Variants in SLC9A9 observed in about 807,000 individuals in gnomAD.
SLC9A9 encodes the protein solute carrier family 9 member A9.
SLC9A9 carries 62 observed loss-of-function variants against 77.8 expected under a neutral mutation model. The observed-to-expected ratio is 0.80, with a 90% CI of 0.65 to 0.98. The LOEUF is 0.98. SLC9A9 is among the 50% of genes least tolerant of loss of function. The probability of loss-of-function intolerance (pLI) is 0.00; values close to 1 mark genes in which losing one functional copy is unlikely to be tolerated. For synonymous variants in SLC9A9, 320 were observed against 283.5 expected, an observed-to-expected ratio of 1.13 and a Z score of -1.29; for missense variants, 775 against 774.9, an observed-to-expected ratio of 1.00 and a Z score of 0.00.
intron 6 of SLC9A9, among the ~76,000 whole-genome samples, chr3:143,630,172 C>A (rs1560002872): frequency 6.6e-6 from 1 of 152,124 alleles, no homozygotes; most frequent in Admixed American, 6.6e-5. Flanking sequence ...CGTTATTCAT[C>A]AAGGAGATGC....
intron 9 of SLC9A9, among the ~76,000 whole-genome samples, chr3:143,538,320 A>C: frequency 1.3e-5 from 2 of 152,316 alleles, no homozygotes; most frequent in South Asian, 4.1e-4. Flanking sequence ...ACTTGGTACT[A>C]TAAGAGCAAG....
intron 4 of SLC9A9, among the ~76,000 whole-genome samples, chr3:143,719,239 T>A (rs1416061922): frequency 6.6e-6 from 1 of 152,178 alleles, no homozygotes. Flanking sequence ...CTACAAACTT[T>A]GGGGTAGGGC....
intron 8 of SLC9A9, among the ~76,000 whole-genome samples, chr3:143,569,989 A>G (rs1038836182): frequency 6.7e-6 from 1 of 148,542 alleles, no homozygotes; most frequent in African/African-American, 2.5e-5. Context: ...TTTTTTTTTT[A>G]GAGACAGGGT....
intron 6 of SLC9A9, among the ~76,000 whole-genome samples, chr3:143,621,176 T>G (rs2038205312): frequency 6.6e-6 from 1 of 152,150 alleles, no homozygotes; most frequent in African/African-American, 2.4e-5. Flanking sequence ...CTCTGTAGAC[T>G]CCACCTCTGG....
At chr3:143,587,299 A>G (rs2037558395) in intron 6 of SLC9A9, among the ~76,000 whole-genome samples, 1 of 152,250 alleles carries the variant, frequency 6.6e-6, no homozygotes, top group Admixed American at 6.5e-5. Flanking sequence ...AGTGGAGAAG[A>G]AAACATAATA....
intron 14 of SLC9A9, among the ~76,000 whole-genome samples, chr3:143,285,368 T>A (rs1444990548): frequency 6.6e-6 from 1 of 152,214 alleles, no homozygotes; most frequent in East Asian, 1.9e-4. Context: ...ACATGAAAAA[T>A]CTCCTTTAAT....
intron 14 of SLC9A9, among the ~76,000 whole-genome samples, chr3:143,297,882 G>T (rs2030348979): frequency 6.6e-6 from 1 of 152,138 alleles, no homozygotes; most frequent in Non-Finnish European, 1.5e-5. Context: ...TGTGATGTAT[G>T]TGCCTGGAAA....
At chr3:143,413,533 G>T (rs1576480643) in intron 12 of SLC9A9, among the ~76,000 whole-genome samples, 1 of 152,176 alleles carries the variant, frequency 6.6e-6, no homozygotes, top group East Asian at 1.9e-4. Context: ...GTGGGAGAAG[G>T]GGAGGCAGCT....
In SLC9A9 at chr3:143,848,295, C is replaced by G. The variant is rs1365661044; in HGVS notation, c.28G>C (p.Glu10Gln). Reference protein sequence around the residue: MERQSRVMSEKDEYQFQHQG... With the variant: MERQSRVMSQKDEYQFQHQG... ...TGTTGAAACTGATACTCATCCTTTT[C>G]TGACATAACCCTTGACTGTCTCTCC... Residue 10 changes from glutamate (E) to glutamine (Q), a missense_variant, in exon 1 of 16, where the codon GAA becomes CAA. Transcript: ENST00000316549. The G allele has an allele frequency of 2.5e-6, 4 of 1,613,996 alleles. No homozygotes were observed. The highest frequency in any genetic ancestry group is 3.4e-6 in the Non-Finnish European group (4 of 1,179,890).
At chr3:143,690,880 C>A (rs757563892) in intron 5 of SLC9A9, among the ~76,000 whole-genome samples, 14 of 152,070 alleles carry the variant, frequency 9.2e-5, no homozygotes, top group Non-Finnish European at 1.9e-4. Context: ...GAGAGTACCA[C>A]CAGCTAATAA....
chr3:143,439,078 C>A (rs2034677258), intron 12 of SLC9A9, among the ~76,000 whole-genome samples: 1 of 152,144 alleles, frequency 6.6e-6, no homozygotes, highest in African/African-American at 2.4e-5. Flanking sequence ...AGTGTCTGTA[C>A]CCTGGAGAAT....
chr3:143,565,943 T>G (rs1043079971), intron 8 of SLC9A9, among the ~76,000 whole-genome samples: 2 of 152,148 alleles, frequency 1.3e-5, no homozygotes, highest in Non-Finnish European at 2.9e-5. Context: ...GCTCCAGAAA[T>G]GCATTTCCCA....
At chr3:143,685,557 T>C (rs912694684) in intron 5 of SLC9A9, among the ~76,000 whole-genome samples, 2 of 152,136 alleles carry the variant, frequency 1.3e-5, no homozygotes, top group African/African-American at 4.8e-5. Context: ...CTGCATCATG[T>C]AAAATGAAGA....
intron 14 of SLC9A9, among the ~76,000 whole-genome samples, chr3:143,334,750 C>A (rs1047160018): frequency 4.6e-5 from 7 of 152,088 alleles, no homozygotes; most frequent in Non-Finnish European, 1.0e-4. Flanking sequence ...CAGAGCATTA[C>A]AACTATATAT....
intron 8 of SLC9A9, among the ~76,000 whole-genome samples, chr3:143,573,256 C>T (rs897505642): frequency 1.5e-4 from 23 of 152,104 alleles, no homozygotes; most frequent in African/African-American, 2.2e-4. Context: ...CTACCAGTTA[C>T]GAAGGATTCT....
chr3:143,830,952 T>C (rs1444346472), intron 2 of SLC9A9, among the ~76,000 whole-genome samples: 1 of 152,148 alleles, frequency 6.6e-6, no homozygotes, highest in Non-Finnish European at 1.5e-5. Context: ...ATATTATAAT[T>C]AGTTTGACTT....
At chr3:143,846,714 C>T (rs750584900) in intron 1 of SLC9A9, among the ~76,000 whole-genome samples, 1 of 120,430 alleles carries the variant, frequency 8.3e-6, no homozygotes, top group Non-Finnish European at 1.7e-5. Flanking sequence ...ATAAATAAAA[C>T]AATACAGCAA....
chr3:143,559,449 T>C (rs2037044181), intron 8 of SLC9A9, among the ~76,000 whole-genome samples: 1 of 152,226 alleles, frequency 6.6e-6, no homozygotes, highest in African/African-American at 2.4e-5. Context: ...AGCATTGTTG[T>C]AGAAAGGATT....
At chr3:143,272,239 A>G (rs1937918279) in intron 14 of SLC9A9, among the ~76,000 whole-genome samples, 1 of 152,200 alleles carries the variant, frequency 6.6e-6, no homozygotes, top group Non-Finnish European at 1.5e-5. Context: ...TCATGTGCCA[A>G]GCTAGTGAGG....
Sources: gnomAD v4.1 joint callset for allele counts (sites outside exome capture counted in the v4.1 genomes callset) on GRCh38, gnomAD v4.1.1 for gene constraint, MANE v1.5 for transcripts, NCBI Gene and HGNC (gene_info 2026-07-23, HGNC 2026-07-21) for gene names.